CCSER1: variants seen among roughly 807,000 people sequenced by gnomAD.
The protein encoded by CCSER1 is serine-rich coiled-coil domain-containing protein 1.
In CCSER1, 41 loss-of-function variants were observed where a neutral mutation model predicts 82.0. That is an observed-to-expected ratio of 0.50 (90% CI 0.39 to 0.65). CCSER1 has a LOEUF of 0.65. Ranked by LOEUF, CCSER1 falls within the 30% of genes least tolerant of loss-of-function variation. CCSER1 has a pLI of 0.00. For missense variants in CCSER1, 1,119 were observed against 1,064.2 expected, an observed-to-expected ratio of 1.05 and a Z score of -0.72; for synonymous variants, 414 against 383.9, an observed-to-expected ratio of 1.08 and a Z score of -0.92.
At chr4:91,197,616 T>G (rs1735550602) in intron 10 of CCSER1, among the ~76,000 whole-genome samples, 1 of 152,232 alleles carries the variant, frequency 6.6e-6, no homozygotes, top group African/African-American at 2.4e-5. Context: ...GCTGTTGAAT[T>G]GTATAAGATG....
At chr4:91,222,155 C>G (rs1737804382) in intron 10 of CCSER1, among the ~76,000 whole-genome samples, 2 of 150,544 alleles carry the variant, frequency 1.3e-5, no homozygotes, top group Non-Finnish European at 3.0e-5. Flanking sequence ...CTACTGTGAA[C>G]TGATTTTCAG....
intron 5 of CCSER1, among the ~76,000 whole-genome samples, chr4:90,549,937 G>A (rs900929514): frequency 2.6e-5 from 4 of 152,030 alleles, no homozygotes; most frequent in Non-Finnish European, 5.9e-5. Context: ...CTGGACATGG[G>A]GGAAAGGAAA....
At chr4:90,982,054 T>G (rs2150423578) in intron 9 of CCSER1, among the ~76,000 whole-genome samples, 1 of 151,936 alleles carries the variant, frequency 6.6e-6, no homozygotes, top group South Asian at 2.1e-4. Flanking sequence ...AAGCAAAGAC[T>G]TTTTAAATAA....
intron 3 of CCSER1, among the ~76,000 whole-genome samples, chr4:90,373,606 T>C (rs1185646733): frequency 6.6e-6 from 1 of 152,188 alleles, no homozygotes. Flanking sequence ...TTAAGACATG[T>C]AGTTAGGTCT....
intron 10 of CCSER1, among the ~76,000 whole-genome samples, chr4:91,291,644 C>A (rs183025811): frequency 6.6e-6 from 1 of 152,020 alleles, no homozygotes. Flanking sequence ...CTTGCTATCA[C>A]GAGAACAGCA....
At chr4:91,033,713 GCTTA>G (rs1205437208) in intron 9 of CCSER1, among the ~76,000 whole-genome samples, 1 of 152,140 alleles carries the variant, frequency 6.6e-6, no homozygotes, top group Admixed American at 6.6e-5. Flanking sequence ...TGTTGTAATA[GCTTA>G]CTTACTACGG....
At chr4:90,169,829 A>T (rs1418602592) in intron 1 of CCSER1, among the ~76,000 whole-genome samples, 33 of 151,608 alleles carry the variant, frequency 2.2e-4, no homozygotes, top group Admixed American at 2.2e-3. Flanking sequence ...TTACACATGT[A>T]CTTATCTAGT....
chr4:90,478,543 A>G (rs1025106400), intron 5 of CCSER1, among the ~76,000 whole-genome samples: 16 of 152,152 alleles, frequency 1.1e-4, no homozygotes, highest in African/African-American at 3.4e-4. Flanking sequence ...TAACACTTAA[A>G]TGTATTTAAT....
At chr4:90,469,558 C>CAG (rs1295723123) in intron 5 of CCSER1, among the ~76,000 whole-genome samples, 22 of 151,660 alleles carry the variant, frequency 1.5e-4, no homozygotes, top group African/African-American at 5.3e-4. Context: ...CACACACACA[C>CAG]ACACACACAT....
At chr4:90,377,634 A>G (rs1748554881) in intron 3 of CCSER1, among the ~76,000 whole-genome samples, 2 of 152,170 alleles carry the variant, frequency 1.3e-5, no homozygotes, top group South Asian at 2.1e-4. Context: ...ACCAGAGAAT[A>G]CATGCCTTAT....
At chr4:90,879,675 AAAG>A (rs768044724) in intron 8 of CCSER1, among the ~76,000 whole-genome samples, 20 of 151,756 alleles carry the variant, frequency 1.3e-4, no homozygotes, top group African/African-American at 1.9e-4. Context: ...GAAGAAGAAG[AAAG>A]AAGAAGAAGA....
intron 10 of CCSER1, among the ~76,000 whole-genome samples, chr4:91,521,280 T>C (rs1760456230): frequency 6.6e-6 from 1 of 152,216 alleles, no homozygotes; most frequent in African/African-American, 2.4e-5. Context: ...AGTCTATCAT[T>C]GATGGACATT....
intron 1 of CCSER1, among the ~76,000 whole-genome samples, chr4:90,237,238 A>C (rs1446992160): frequency 6.6e-6 from 1 of 152,200 alleles, no homozygotes; most frequent in Non-Finnish European, 1.5e-5. Context: ...TTGTAGAGTA[A>C]GAATTTCGAA....
chr4:90,129,680 C>A (rs957923202), intron 1 of CCSER1, among the ~76,000 whole-genome samples: 6 of 152,166 alleles, frequency 3.9e-5, no homozygotes, highest in Admixed American at 1.3e-4. Context: ...TTATTTTGAT[C>A]AAAACAAACC....
At chr4:91,465,907 C>T (rs560821554) in intron 10 of CCSER1, among the ~76,000 whole-genome samples, 5 of 152,224 alleles carry the variant, frequency 3.3e-5, no homozygotes, top group African/African-American at 7.2e-5. Context: ...GATTCACAGC[C>T]GAATTCTACC....
intron 10 of CCSER1, among the ~76,000 whole-genome samples, chr4:91,399,931 AT>A (rs1459600888): frequency 1.3e-5 from 2 of 151,952 alleles, no homozygotes; most frequent in Non-Finnish European, 2.9e-5. Flanking sequence ...TTTATAAATT[AT>A]ATAGGTAGAA....
intron 9 of CCSER1, among the ~76,000 whole-genome samples, chr4:90,940,211 A>G (rs1300466799): frequency 6.6e-6 from 1 of 152,138 alleles, no homozygotes; most frequent in African/African-American, 2.4e-5. Flanking sequence ...AGAAAAGGTC[A>G]CCTAACTAGG....
chr4:90,492,176 T>G (rs1434968565), intron 5 of CCSER1, among the ~76,000 whole-genome samples: 1 of 152,172 alleles, frequency 6.6e-6, no homozygotes, highest in Non-Finnish European at 1.5e-5. Context: ...AGGCTGTTAA[T>G]TATTGCCTCA....
At chr4:90,439,294 G>GAAAAC (rs1222441562) in intron 4 of CCSER1, among the ~76,000 whole-genome samples, 1 of 151,586 alleles carries the variant, frequency 6.6e-6, no homozygotes, top group African/African-American at 2.4e-5. Flanking sequence ...TCTCCAAAAG[G>GAAAAC]AAAACAAAAC....
Sources: gnomAD v4.1 joint callset for allele counts (sites outside exome capture counted in the v4.1 genomes callset) on GRCh38, gnomAD v4.1.1 for gene constraint, MANE v1.5 for transcripts, NCBI Gene and HGNC (gene_info 2026-07-23, HGNC 2026-07-21) for gene names.